CRACDL: variants seen among roughly 807,000 people sequenced by gnomAD.
The protein encoded by CRACDL is CRACD like.
CRACDL carries 26 observed loss-of-function variants against 70.6 expected under a neutral mutation model. The ratio of observed to expected loss-of-function variants is 0.37; its 90% CI spans 0.27 to 0.51. The LOEUF is 0.51. Among genes scored for constraint, CRACDL ranks in the 20% least tolerant of loss-of-function variants. CRACDL has a pLI of 0.94. For missense variants in CRACDL, 1,283 were observed against 1,376.9 expected, an observed-to-expected ratio of 0.93 and a Z score of 1.08; for synonymous variants, 618 against 615.2, an observed-to-expected ratio of 1.00 and a Z score of -0.07.
intron 7 of CRACDL, among the ~76,000 whole-genome samples, chr2:98,804,978 T>A (rs1358026407): frequency 6.6e-6 from 1 of 152,130 alleles, no homozygotes; most frequent in Non-Finnish European, 1.5e-5. Flanking sequence ...GCCCACTAGG[T>A]GCCAGGCCCT....
At chr2:98,848,355 T>C (rs1351888052) in intron 1 of CRACDL, among the ~76,000 whole-genome samples, 1 of 152,062 alleles carries the variant, frequency 6.6e-6, no homozygotes, top group East Asian at 1.9e-4. Flanking sequence ...AAGAGTCCTT[T>C]AGAGGTGGTA....
chr2:98,923,413 T>C (rs966640188), intron 1 of CRACDL, among the ~76,000 whole-genome samples: 8 of 152,188 alleles, frequency 5.3e-5, no homozygotes, highest in South Asian at 4.1e-4. Flanking sequence ...GCCTCATCAA[T>C]TGCAGAAGCG....
At chr2:98,900,075 AT>A (rs1708231480) in intron 1 of CRACDL, among the ~76,000 whole-genome samples, 2 of 42,244 alleles carry the variant, frequency 4.7e-5, no homozygotes. Context: ...GGGGAGGCAG[AT>A]GGACAGAGGC....
chr2:98,838,296 AT>A lies in CRACDL; in HGVS notation c.71-10del. ...TTTAGATTTTTTCTTTCCTATACAG[AT>A]TAGAGAAAAAAATAATAAATAAGAC... is the stretch of plus-strand genomic sequence containing the variant. On this transcript the variant is annotated splice_polypyrimidine_tract_variant and intron_variant, in intron 2 of 9. Coordinates refer to ENST00000397899, the MANE Select transcript of CRACDL (RefSeq NM_207362.3). 6.7e-7 allele frequency: 1 copy of A among 1,495,840 alleles called. No homozygotes were observed. The highest frequency in any genetic ancestry group is 9.2e-7 in the Non-Finnish European group (1 of 1,091,382). The allele number at this position is 1,495,840 out of a possible 1,614,324, so 92.7% of individuals were successfully genotyped here. A position where few individuals can be genotyped will look rare whatever the true frequency, so the allele number is the denominator to read the frequency against.
In CRACDL at chr2:98,801,614, G is replaced by A. The variant is rs141250906; in HGVS notation, c.2417-4077C>T. Among the ~76,000 whole-genome samples, 61 of 152,342 alleles carry A rather than the reference G, an allele frequency of 4.0e-4. No individual in the cohort carries two copies. The East Asian group carries it at 0.011, about 28-fold the overall frequency. Reference sequence around the variant, plus strand: ...ATGCCTCCCAGTGTGGTTGTGAAGTGAAATATCCACTGTCTATATCTCTCA... The same window carrying A: ...ATGCCTCCCAGTGTGGTTGTGAAGTAAAATATCCACTGTCTATATCTCTCA... On this transcript the variant is annotated intron_variant, in intron 7 of 9. Transcript: ENST00000397899.
intron 7 of CRACDL, among the ~76,000 whole-genome samples, chr2:98,819,523 G>A (rs568947772): frequency 6.6e-6 from 1 of 152,292 alleles, no homozygotes; most frequent in African/African-American, 2.4e-5. Context: ...TACTGCAGTG[G>A]CAGCAGCAAC....
At chr2:98,890,776 G>A (rs1707942761) in intron 1 of CRACDL, among the ~76,000 whole-genome samples, 1 of 152,194 alleles carries the variant, frequency 6.6e-6, no homozygotes, top group South Asian at 2.1e-4. Context: ...AACTTTGGGG[G>A]CTGGGCGTGG....
intron 1 of CRACDL, among the ~76,000 whole-genome samples, chr2:98,905,853 G>A (rs531905110): frequency 6.6e-6 from 1 of 152,252 alleles, no homozygotes; most frequent in Admixed American, 6.5e-5. Context: ...CTGACCTCAG[G>A]TCATCTTCCC....
intron 6 of CRACDL, 63 bp downstream of exon 6, chr2:98,826,912 G>GGT: frequency 7.8e-7 from 1 of 1,288,990 alleles, no homozygotes; most frequent in South Asian, 1.3e-5. Context: ...AGGTTGGGGG[G>GGT]GGGCATAGGG....
intron 1 of CRACDL, among the ~76,000 whole-genome samples, chr2:98,927,592 G>A (rs538864903): frequency 4.6e-4 from 69 of 151,468 alleles, no homozygotes; most frequent in Non-Finnish European, 9.3e-4. Context: ...AATCTACTTA[G>A]GAGACGGTAC....
At chr2:98,835,608 G>GA (rs982212638) in intron 3 of CRACDL, among the ~76,000 whole-genome samples, 71 of 149,480 alleles carry the variant, frequency 4.7e-4, no homozygotes, top group African/African-American at 1.4e-3. Context: ...ATGATATTTG[G>GA]AAAAAAAAAG....
chr2:98,895,949 C>T (rs552765103), intron 1 of CRACDL, among the ~76,000 whole-genome samples: 83 of 152,254 alleles, frequency 5.5e-4, no homozygotes, highest in Non-Finnish European at 1.1e-3. Flanking sequence ...GTGCTACCTA[C>T]GAACCAGAAA....
intron 1 of CRACDL, among the ~76,000 whole-genome samples, chr2:98,892,757 T>G (rs758995444): frequency 2.6e-5 from 4 of 152,170 alleles, no homozygotes; most frequent in African/African-American, 9.7e-5. Context: ...ATATACAGTA[T>G]GATTTTATTT....
intron 1 of CRACDL, among the ~76,000 whole-genome samples, chr2:98,892,564 C>T (rs1708006357): frequency 6.6e-6 from 1 of 151,792 alleles, no homozygotes; most frequent in South Asian, 2.1e-4. Context: ...GCGGCAGGCA[C>T]CTGTAGTCCT....
chr2:98,927,307 C>T (rs1277552777), intron 1 of CRACDL, among the ~76,000 whole-genome samples: 1 of 152,228 alleles, frequency 6.6e-6, no homozygotes, highest in Non-Finnish European at 1.5e-5. Context: ...CAGTTACCGG[C>T]GGGCCAGCTC....
At chr2:98,859,560 A>C (rs1035639767) in intron 1 of CRACDL, among the ~76,000 whole-genome samples, 1 of 152,246 alleles carries the variant, frequency 6.6e-6, no homozygotes, top group African/African-American at 2.4e-5. Context: ...CAACTATTAC[A>C]TTATTATCTC....
chr2:98,811,692 C>G (rs190556704), intron 7 of CRACDL, among the ~76,000 whole-genome samples: 1 of 152,160 alleles, frequency 6.6e-6, no homozygotes, highest in East Asian at 1.9e-4. Flanking sequence ...CCTATGTAAC[C>G]AGACTCTCCT....
intron 9 of CRACDL, 148 bp from the exon 10 acceptor site, chr2:98,794,819 A>G: frequency 1.6e-6 from 1 of 611,220 alleles, no homozygotes; most frequent in Admixed American, 3.2e-5. Context: ...TGTAAGGAAG[A>G]TTTGGGCCTA....
chr2:98,795,066 T>C (rs1220149380), intron 9 of CRACDL, among the ~76,000 whole-genome samples: 1 of 57,762 alleles, frequency 1.7e-5, no homozygotes, highest in Non-Finnish European at 3.6e-5. Flanking sequence ...TATATATATA[T>C]ATATATATAT....
Sources: allele counts gnomAD v4.1 joint callset (sites outside exome capture counted in the v4.1 genomes callset), GRCh38; gene constraint gnomAD v4.1.1; transcripts MANE v1.5; gene names NCBI Gene and HGNC (gene_info 2026-07-23, HGNC 2026-07-21).